DCC: variants seen among roughly 807,000 people sequenced by gnomAD.
The protein encoded by DCC is DCC netrin 1 receptor, also known as netrin receptor DCC.
A neutral mutation model predicts 172.5 loss-of-function variants in DCC; 58 were observed. The observed-to-expected ratio is 0.34, with a 90% CI of 0.27 to 0.42. The LOEUF (loss-of-function observed/expected upper bound fraction) is 0.42. Ranked by LOEUF, DCC falls within the 10% of genes least tolerant of loss-of-function variation. DCC has a pLI of 1.00. For synonymous variants in DCC, 709 were observed against 644.5 expected (o/e 1.10, Z -1.52); for missense variants, 1,740 against 1,791.0 (o/e 0.97, Z 0.51).
intron 22 of DCC, among the ~76,000 whole-genome samples, chr18:53,436,416 T>C (rs926671606): frequency 6.6e-6 from 1 of 152,200 alleles, no homozygotes; most frequent in Non-Finnish European, 1.5e-5. Flanking sequence ...TGATCTCCTT[T>C]TAAAAAATCC....
intron 1 of DCC, among the ~76,000 whole-genome samples, chr18:52,425,650 C>A (rs542699247): frequency 6.6e-6 from 1 of 152,106 alleles, no homozygotes; most frequent in African/African-American, 2.4e-5. Context: ...TTTCGTAGGC[C>A]TTCCTGAAGT....
At chr18:53,347,751 G>C (rs933688394) in intron 15 of DCC, among the ~76,000 whole-genome samples, 2 of 152,114 alleles carry the variant, frequency 1.3e-5, no homozygotes, top group Non-Finnish European at 2.9e-5. Flanking sequence ...AATTATGGCA[G>C]AAGGCAAGGA....
intron 8 of DCC, among the ~76,000 whole-genome samples, chr18:53,172,922 G>A (rs1171329085): frequency 6.6e-6 from 1 of 152,018 alleles, no homozygotes; most frequent in Non-Finnish European, 1.5e-5. Context: ...AATAAATCAT[G>A]TTGCTTTTCT....
chr18:53,484,010 GATAT>G (rs2045871184), intron 25 of DCC, among the ~76,000 whole-genome samples: 2 of 143,142 alleles, frequency 1.4e-5, no homozygotes, highest in South Asian at 2.3e-4. Flanking sequence ...TAGATAGATA[GATAT>G]AGTGTGTGTG....
chr18:52,488,013 T>C (rs1448585358), intron 1 of DCC, among the ~76,000 whole-genome samples: 1 of 152,206 alleles, frequency 6.6e-6, no homozygotes, highest in African/African-American at 2.4e-5. Flanking sequence ...AAGCATGTCA[T>C]ATGATCAATT....
intron 1 of DCC, among the ~76,000 whole-genome samples, chr18:52,357,937 A>C (rs7505170): frequency 4.2e-3 from 151 of 36,238 alleles, no homozygotes; most frequent in East Asian, 7.4e-3. Flanking sequence ...GACTCTGTGT[A>C]AAAAAAAAAA....
At chr18:53,470,889 G>C (rs1005694287) in intron 25 of DCC, among the ~76,000 whole-genome samples, 5 of 152,190 alleles carry the variant, frequency 3.3e-5, no homozygotes, top group Non-Finnish European at 5.9e-5. Flanking sequence ...TTCGAGATGA[G>C]ATTTGGGTGG....
At chr18:53,507,746 T>C (rs2046199005) in intron 27 of DCC, among the ~76,000 whole-genome samples, 1 of 152,216 alleles carries the variant, frequency 6.6e-6, no homozygotes, top group Non-Finnish European at 1.5e-5. Context: ...ATAATGGCAC[T>C]TATAGTGACT....
At chr18:53,351,472 A>ATATATATATATACACAGTG (rs2057811777) in intron 15 of DCC, among the ~76,000 whole-genome samples, 2 of 59,860 alleles carry the variant, frequency 3.3e-5, no homozygotes, top group South Asian at 4.3e-4. Context: ...GTGTGTATAT[A>ATATATATATATACACAGTG]TATATATATA....
At chr18:52,768,063 T>G (rs1006211758) in intron 2 of DCC, among the ~76,000 whole-genome samples, 1 of 152,178 alleles carries the variant, frequency 6.6e-6, no homozygotes, top group Non-Finnish European at 1.5e-5. Context: ...TGTTAAATGT[T>G]TTAATTTTCT....
intron 1 of DCC, among the ~76,000 whole-genome samples, chr18:52,703,146 C>A (rs187768285): frequency 3.0e-4 from 45 of 152,274 alleles, no homozygotes; most frequent in Admixed American, 7.9e-4. Context: ...ATCAATTATT[C>A]TAATTTTTAA....
intron 14 of DCC, among the ~76,000 whole-genome samples, chr18:53,332,305 A>G (rs1486010065): frequency 6.6e-6 from 1 of 152,222 alleles, no homozygotes; most frequent in Non-Finnish European, 1.5e-5. Context: ...AAATAATAAG[A>G]TTAGGTTGAC....
intron 1 of DCC, among the ~76,000 whole-genome samples, chr18:52,716,505 G>T (rs546919696): frequency 6.6e-6 from 1 of 152,196 alleles, no homozygotes; most frequent in Non-Finnish European, 1.5e-5. Flanking sequence ...TGTGGCTTGT[G>T]ATTGAGGTTC....
At chr18:53,347,531 T>C (rs552678274) in intron 15 of DCC, among the ~76,000 whole-genome samples, 37 of 152,214 alleles carry the variant, frequency 2.4e-4, no homozygotes, top group Non-Finnish European at 4.6e-4. Flanking sequence ...CTGGGCAGTG[T>C]ATTTAACATC....
intron 15 of DCC, among the ~76,000 whole-genome samples, chr18:53,364,859 C>T (rs778210741): frequency 2.6e-5 from 4 of 152,130 alleles, no homozygotes; most frequent in Non-Finnish European, 4.4e-5. Flanking sequence ...TGCACACATG[C>T]ACACATACAT....
At chr18:52,936,839 A>C (rs2040388526) in intron 5 of DCC, among the ~76,000 whole-genome samples, 1 of 152,218 alleles carries the variant, frequency 6.6e-6, no homozygotes, top group African/African-American at 2.4e-5. Context: ...CAAAGTCAGC[A>C]AGAGTTAGGA....
chr18:52,610,471 A>G (rs1411528696), intron 1 of DCC, among the ~76,000 whole-genome samples: 1 of 145,028 alleles, frequency 6.9e-6, no homozygotes, highest in Non-Finnish European at 1.5e-5. Context: ...TCTGTGGGGG[A>G]GAGTTGGTGT....
At chr18:53,116,230 TG>T (rs2043406947) in intron 7 of DCC, among the ~76,000 whole-genome samples, 1 of 151,644 alleles carries the variant, frequency 6.6e-6, no homozygotes, top group Non-Finnish European at 1.5e-5. Context: ...TTCTTGAAAA[TG>T]AAAGTACACT....
At chr18:53,014,556 T>A (rs551783592) in intron 5 of DCC, among the ~76,000 whole-genome samples, 1 of 151,200 alleles carries the variant, frequency 6.6e-6, no homozygotes, top group Non-Finnish European at 1.5e-5. Flanking sequence ...TTTTTGTCCT[T>A]GCGATAGTTT....
Sources: gnomAD v4.1 joint callset for allele counts (sites outside exome capture counted in the v4.1 genomes callset) on GRCh38, gnomAD v4.1.1 for gene constraint, MANE v1.5 for transcripts, NCBI Gene and HGNC (gene_info 2026-07-23, HGNC 2026-07-21) for gene names.